SLC30A7: variants seen among roughly 807,000 people sequenced by gnomAD.
SLC30A7 encodes the protein solute carrier family 30 member 7, also known as zinc transporter 7.
A neutral mutation model predicts 46.0 loss-of-function variants in SLC30A7; 35 were observed. The observed-to-expected ratio is 0.76, with a 90% CI of 0.58 to 1.01. SLC30A7 has a LOEUF of 1.01. Ranked by LOEUF, SLC30A7 falls within the 50% of genes least tolerant of loss-of-function variation. The probability of loss-of-function intolerance (pLI) is 0.00; values close to 1 mark genes in which losing one functional copy is unlikely to be tolerated. For synonymous variants in SLC30A7, 147 were observed against 157.8 expected (o/e 0.93, Z 0.51); for missense variants, 464 against 451.1 (o/e 1.03, Z -0.26).
chr1:100,973,628 A>C (rs1054668771), intron 10 of SLC30A7, among the ~76,000 whole-genome samples: 6 of 152,184 alleles, frequency 3.9e-5, no homozygotes, highest in African/African-American at 1.2e-4. Flanking sequence ...TGATAAGTTT[A>C]CTGGGAGTGC....
At chr1:100,909,447 C>CAT (rs1651935222) in intron 3 of SLC30A7, among the ~76,000 whole-genome samples, 1 of 152,054 alleles carries the variant, frequency 6.6e-6, no homozygotes, top group Non-Finnish European at 1.5e-5. Flanking sequence ...TGCGTATATA[C>CAT]ATATGTACCT....
intron 10 of SLC30A7, among the ~76,000 whole-genome samples, chr1:100,967,119 A>G (rs1655912571): frequency 6.6e-6 from 1 of 152,210 alleles, no homozygotes; most frequent in African/African-American, 2.4e-5. Context: ...AGAGGCAGAG[A>G]GAATATAAAT....
chr1:100,898,661 C>A (rs532638238), intron 2 of SLC30A7, among the ~76,000 whole-genome samples: 1 of 152,140 alleles, frequency 6.6e-6, no homozygotes, highest in Non-Finnish European at 1.5e-5. Flanking sequence ...TTAGGCATTT[C>A]TCTGGCCTTT....
chr1:100,899,712 T>G (rs1051464504), intron 2 of SLC30A7, among the ~76,000 whole-genome samples: 6 of 152,136 alleles, frequency 3.9e-5, no homozygotes, highest in Admixed American at 3.3e-4. Flanking sequence ...AAATAATGGT[T>G]GCTTACACAA....
chr1:100,965,262 T>C (rs567382808), intron 9 of SLC30A7, among the ~76,000 whole-genome samples: 2 of 152,216 alleles, frequency 1.3e-5, no homozygotes, highest in East Asian at 1.9e-4. Context: ...ATTGAGCTTT[T>C]TTCTTTTAAC....
At chr1:100,970,058 A>G (rs1332050501) in intron 10 of SLC30A7, among the ~76,000 whole-genome samples, 1 of 152,180 alleles carries the variant, frequency 6.6e-6, no homozygotes, top group Non-Finnish European at 1.5e-5. Context: ...ATCAAAAATA[A>G]GAAAACTCAA....
intron 9 of SLC30A7, among the ~76,000 whole-genome samples, chr1:100,962,860 G>C (rs1000696601): frequency 6.6e-6 from 1 of 152,178 alleles, no homozygotes; most frequent in Admixed American, 6.5e-5. Flanking sequence ...CAGTTGTAAC[G>C]GTGAAGATAA....
At chr1:100,923,094 C>A (rs1006287515) in intron 8 of SLC30A7, among the ~76,000 whole-genome samples, 2 of 97,260 alleles carry the variant, frequency 2.1e-5, no homozygotes, top group African/African-American at 3.9e-5. Flanking sequence ...CGGCTCACTG[C>A]AGGCTCCGCC....
intron 8 of SLC30A7, among the ~76,000 whole-genome samples, chr1:100,950,367 G>A (rs1654890412): frequency 1.3e-5 from 2 of 152,114 alleles, no homozygotes; most frequent in Non-Finnish European, 2.9e-5. Flanking sequence ...TTGTATTTTA[G>A]GTAATCAGTT....
At chr1:100,963,300 C>T (rs1467931887) in intron 9 of SLC30A7, among the ~76,000 whole-genome samples, 3 of 152,094 alleles carry the variant, frequency 2.0e-5, no homozygotes, top group African/African-American at 7.2e-5. Flanking sequence ...TAGTGGTGTG[C>T]TGGAAAACCA....
chr1:100,959,412 T>C (rs1399988014), intron 8 of SLC30A7, among the ~76,000 whole-genome samples: 2 of 152,212 alleles, frequency 1.3e-5, no homozygotes, highest in Non-Finnish European at 2.9e-5. Context: ...TAGCTAACTA[T>C]GTTGCCTGGC....
intron 8 of SLC30A7, among the ~76,000 whole-genome samples, chr1:100,927,959 C>T (rs569792215): frequency 6.6e-6 from 1 of 152,200 alleles, no homozygotes; most frequent in South Asian, 2.1e-4. Context: ...TTATGAGATG[C>T]TTGGAATTGA....
intron 6 of SLC30A7, among the ~76,000 whole-genome samples, chr1:100,915,213 C>CTTTTT (rs778614912): frequency 9.1e-6 from 1 of 110,250 alleles, no homozygotes; most frequent in African/African-American, 3.5e-5. Context: ...TTCTTTCTTT[C>CTTTTT]TTTCTTTCTT....
chr1:100,939,022 A>G (rs765604283), intron 8 of SLC30A7, among the ~76,000 whole-genome samples: 9 of 152,204 alleles, frequency 5.9e-5, no homozygotes, highest in Non-Finnish European at 1.3e-4. Flanking sequence ...GGCCATGTGT[A>G]AATCAATAGA....
chr1:100,926,823 C>T (rs938933859), intron 8 of SLC30A7, among the ~76,000 whole-genome samples: 13 of 152,130 alleles, frequency 8.5e-5, no homozygotes, highest in Non-Finnish European at 1.5e-4. Flanking sequence ...ATAAAGCAAA[C>T]GAACATGCAA....
chr1:100,908,258 G>A (rs1651824407), intron 3 of SLC30A7, among the ~76,000 whole-genome samples: 1 of 151,152 alleles, frequency 6.6e-6, no homozygotes, highest in Non-Finnish European at 1.5e-5. Flanking sequence ...TCTTTAGCAG[G>A]CACACACTCT....
intron 8 of SLC30A7, among the ~76,000 whole-genome samples, chr1:100,931,504 GA>G (rs1366587888): frequency 6.6e-6 from 1 of 151,966 alleles, no homozygotes; most frequent in African/African-American, 2.4e-5. Flanking sequence ...TTGCTTACTG[GA>G]TTTTATTTTC....
chr1:100,944,787 A>G (rs753804565), intron 8 of SLC30A7, among the ~76,000 whole-genome samples: 1 of 152,020 alleles, frequency 6.6e-6, no homozygotes, highest in Non-Finnish European at 1.5e-5. Flanking sequence ...GTGTCTTTAT[A>G]GTAGCATGAT....
chr1:100,951,065 C>G (rs2101070469), intron 8 of SLC30A7, among the ~76,000 whole-genome samples: 1 of 152,258 alleles, frequency 6.6e-6, no homozygotes, highest in Non-Finnish European at 1.5e-5. Context: ...GATTTATAGA[C>G]CAACTCCTCA....
Sources: allele counts gnomAD v4.1 joint callset (sites outside exome capture counted in the v4.1 genomes callset), GRCh38; gene constraint gnomAD v4.1.1; transcripts MANE v1.5; gene names NCBI Gene and HGNC (gene_info 2026-07-23, HGNC 2026-07-21).